The following MAP3K5 variants were observed in gnomAD, a reference collection of about 807,000 sequenced individuals.
The protein encoded by MAP3K5 is ASK-1.
Under a neutral mutation model 158.7 loss-of-function variants are expected in MAP3K5, and 56 were observed. The observed-to-expected ratio is 0.35, with a 90% CI of 0.28 to 0.44. The LOEUF (loss-of-function observed/expected upper bound fraction) is 0.44, where lower values mean the gene tolerates loss of function less well. MAP3K5 is among the 20% of genes least tolerant of loss of function. MAP3K5 has a pLI of 1.00. For missense variants in MAP3K5, 1,294 were observed against 1,674.8 expected (o/e 0.77, Z 3.97); for synonymous variants, 579 against 601.7 (o/e 0.96, Z 0.55).
At chr6:136,612,794 A>G (rs1428305487) in intron 17 of MAP3K5, among the ~76,000 whole-genome samples, 2 of 152,188 alleles carry the variant, frequency 1.3e-5, no homozygotes, top group Admixed American at 6.5e-5. Context: ...TAACCAGCCT[A>G]TAAGCTCCTC....
In MAP3K5 at chr6:136,674,309, T is replaced by C. The variant is rs184865813; in HGVS notation, c.1254-4914A>G. Among the ~76,000 whole-genome samples the C allele has an allele frequency of 1.4e-3, 215 of 152,100 alleles. 2 individuals carry two copies. Among genetic ancestry groups the C allele is most frequent in the Admixed American group, 0.013 (196 of 15,280 alleles). The stretch of plus-strand genomic sequence containing the variant: ...TAAATATGTGACTAGATCTAAAATA[T>C]AAAAATTATTTAAAATCTATTGATT... On this transcript the variant is annotated intron_variant, in intron 7 of 29. Coordinates refer to ENST00000359015, the MANE Select transcript of MAP3K5 (RefSeq NM_005923.4).
chr6:136,666,002 T>C lies in MAP3K5; in HGVS notation c.1366+3281A>G, dbSNP rs186931749. Among the ~76,000 whole-genome samples, 769 of 152,342 alleles carry C rather than the reference T, an allele frequency of 5.0e-3. 2 individuals carry two copies. Among genetic ancestry groups the C allele is most frequent in the Middle Eastern group, 0.014 (4 of 294 alleles). On this transcript the variant is annotated intron_variant, in intron 8 of 29. Transcript: ENST00000359015. ...AACCTCTAAGTCTGACTCTCACCCA[T>C]AAAATGTCTCACAATTGGAAAATTC...
intron 7 of MAP3K5, among the ~76,000 whole-genome samples, chr6:136,687,744 C>T (rs182745976): frequency 5.3e-5 from 8 of 152,138 alleles, no homozygotes; most frequent in African/African-American, 1.2e-4. Context: ...CCAGTTAGAA[C>T]GGTGATCATT....
chr6:136,704,802 T>C lies in MAP3K5; in HGVS notation c.612+308A>G, dbSNP rs150805887. Among the ~76,000 whole-genome samples the C allele has an allele frequency of 1.3e-3, 201 of 152,230 alleles. 1 individual carries two copies. Among genetic ancestry groups the C allele is most frequent in the African/African-American group, 4.6e-3 (191 of 41,548 alleles). ...CTCACGTGATCTGCCTGCCTCTGCC[T>C]CCCAAAATGCTGGGATTACAGGCAT... On this transcript the variant is annotated intron_variant, in intron 3 of 29. Transcript: ENST00000359015.
chr6:136,713,253 A>G (rs1218338555), intron 2 of MAP3K5, among the ~76,000 whole-genome samples: 1 of 152,224 alleles, frequency 6.6e-6, no homozygotes, highest in African/African-American at 2.4e-5. Context: ...CAGAGTCACT[A>G]CAAATGAGAA....
chr6:136,694,446 T>C, intron 6 of MAP3K5, 136 bp from the exon 7 acceptor site: 1 of 707,302 alleles, frequency 1.4e-6, no homozygotes, highest in Non-Finnish European at 2.3e-6. Flanking sequence ...ATTTTGAGAG[T>C]CCTCTGTAAA....
At position 136,613,368 on chromosome 6, in the gene MAP3K5, C is replaced by T. The variant is rs1395500555; in HGVS notation, c.2279-112G>A. ...ACAGTCATTGGTTCTTCACAGTGGC[C>T]CAGGAGCTATACTGGATATCGGGCT... On this transcript the variant is annotated intron_variant, in intron 16 of 29. Transcript: ENST00000359015. This position sits in a 1 kb window ranked among gnomAD's most constrained non-coding sequence, Gnocchi z 4.0. 3.4e-6 allele frequency: 3 copies of T among 893,532 alleles called. No homozygotes were observed. Among genetic ancestry groups the T allele is most frequent in the Non-Finnish European group, 4.9e-6 (3 of 612,256 alleles). The allele number at this position is 893,532 out of a possible 1,614,324, so 55.4% of individuals were successfully genotyped here.
intron 2 of MAP3K5, among the ~76,000 whole-genome samples, chr6:136,706,822 G>C (rs1781096053): frequency 6.6e-6 from 1 of 152,184 alleles, no homozygotes; most frequent in Non-Finnish European, 1.5e-5. Context: ...AATTGCACTG[G>C]GTAGTTCTGA....
At chr6:136,716,625 T>C (rs904873725) in intron 2 of MAP3K5, among the ~76,000 whole-genome samples, 1 of 152,212 alleles carries the variant, frequency 6.6e-6, no homozygotes, top group African/African-American at 2.4e-5. Flanking sequence ...CCACAGCTCA[T>C]TGACCAGGAG....
chr6:136,627,282 A>C (rs1380331694), intron 14 of MAP3K5, among the ~76,000 whole-genome samples: 5 of 127,278 alleles, frequency 3.9e-5, no homozygotes, highest in South Asian at 4.4e-4. Flanking sequence ...ACTTCTCTGC[A>C]AAAAAAAAGT....
Position 136,659,230 on chromosome 6 carries a change from C to T in MAP3K5, c.1515G>A (p.Lys505=), listed in dbSNP as rs1778900074. The T allele has an allele frequency of 3.7e-6, 6 of 1,613,862 alleles. No individual in the cohort carries two copies. Among genetic ancestry groups the T allele is most frequent in the South Asian group, 1.1e-5 (1 of 91,068 alleles). The change falls in exon 9 of 30, where the codon AAG becomes AAA. Residue 505 remains lysine (K), a synonymous_variant. Transcript: ENST00000359015. ...TAGCTAATTATTACCATGCTGGTGT[C>T]TTCAGTTTAAAAAGCTTTTCAGATG... ...IQASEKLFKL[K]TPAWYLKSIV...
chr6:136,595,744 C>T (rs780109816), intron 21 of MAP3K5, among the ~76,000 whole-genome samples: 14 of 152,076 alleles, frequency 9.2e-5, no homozygotes, highest in Admixed American at 2.6e-4. Context: ...CGGCTGGGCG[C>T]GGTGGCTCAC....
chr6:136,764,897 TC>T (rs1783898226), intron 1 of MAP3K5, among the ~76,000 whole-genome samples: 1 of 152,194 alleles, frequency 6.6e-6, no homozygotes, highest in African/African-American at 2.4e-5. Context: ...TCACTGCATC[TC>T]AGAAGCTGGG....
At chr6:136,688,067 C>T (rs550593575) in intron 7 of MAP3K5, among the ~76,000 whole-genome samples, 55 of 152,310 alleles carry the variant, frequency 3.6e-4, no homozygotes, top group African/African-American at 1.3e-3. Flanking sequence ...GGCACATATA[C>T]ACCATGGAAT....
intron 23 of MAP3K5, among the ~76,000 whole-genome samples, chr6:136,585,491 T>TTCTTTCTTTCTTTCTTTC (rs1775097719): frequency 6.8e-6 from 1 of 146,134 alleles, no homozygotes; most frequent in Admixed American, 7.0e-5. Context: ...ATTTATTTAT[T>TTCTTTCTTTCTTTCTTTC]TATTTATTTA....
intron 2 of MAP3K5, among the ~76,000 whole-genome samples, chr6:136,709,670 A>G (rs775952938): frequency 6.6e-6 from 1 of 152,238 alleles, no homozygotes; most frequent in Non-Finnish European, 1.5e-5. Context: ...GCTCATTGGA[A>G]TAATAACCCT....
At chr6:136,614,795 G>C (rs1208102258) in intron 15 of MAP3K5, among the ~76,000 whole-genome samples, 3 of 152,102 alleles carry the variant, frequency 2.0e-5, no homozygotes, top group Non-Finnish European at 4.4e-5. Context: ...GACAAAACTT[G>C]CATAATGTAC....
intron 12 of MAP3K5, among the ~76,000 whole-genome samples, chr6:136,641,455 G>A (rs1178738984): frequency 6.6e-6 from 1 of 152,072 alleles, no homozygotes; most frequent in African/African-American, 2.4e-5. Flanking sequence ...TTTAGCATGA[G>A]CTTCAATAGA....
chr6:136,638,072 T>C (rs1253501172), intron 13 of MAP3K5, among the ~76,000 whole-genome samples: 1 of 152,090 alleles, frequency 6.6e-6, no homozygotes, highest in Non-Finnish European at 1.5e-5. Flanking sequence ...TTCCTCACTC[T>C]TCCTGTCTCT....
Sources: allele counts gnomAD v4.1 joint callset (sites outside exome capture counted in the v4.1 genomes callset), GRCh38; gene constraint gnomAD v4.1.1; non-coding constraint Gnocchi (gnomAD v3.1); transcripts MANE v1.5; gene names NCBI Gene and HGNC (gene_info 2026-07-23, HGNC 2026-07-21).